ITGA2: variants seen among roughly 807,000 people sequenced by gnomAD.
The protein encoded by ITGA2 is integrin alpha-2.
A neutral mutation model predicts 146.3 loss-of-function variants in ITGA2; 101 were observed. The ratio of observed to expected loss-of-function variants is 0.69; its 90% CI spans 0.59 to 0.81. The LOEUF (loss-of-function observed/expected upper bound fraction) is 0.81, where lower values mean the gene tolerates loss of function less well. Ranked by LOEUF, ITGA2 falls within the 40% of genes least tolerant of loss-of-function variation. The pLI is 0.00. For missense variants in ITGA2, 1,281 were observed against 1,402.7 expected (o/e 0.91, Z 1.39); for synonymous variants, 477 against 487.1 (o/e 0.98, Z 0.27).
chr5:53,065,855 C>A lies in ITGA2; in HGVS notation c.1821C>A (p.Ser607=). The A allele has an allele frequency of 6.2e-7, 1 of 1,611,774 alleles. No individual in the cohort carries two copies. Residue 607 remains serine (S), a synonymous_variant, in exon 15 of 30, where the codon TCC becomes TCA. Transcript: ENST00000296585. ...RTKYSQKILG[S]DGAFRSHLQY... is the part of the protein sequence containing the mutation. ...TGCTCTTTTAGAAAATCTTGGGATC[C>A]GATGGAGCCTTTAGGAGCCATCTCC... is the stretch of plus-strand genomic sequence containing the variant.
chr5:53,004,510 G>A (rs1402326032), intron 1 of ITGA2, among the ~76,000 whole-genome samples: 1 of 152,060 alleles, frequency 6.6e-6, no homozygotes, highest in Non-Finnish European at 1.5e-5. Context: ...TTTATGGAGT[G>A]CCTATTGTAT....
Position 53,048,628 on chromosome 5 carries a change from T to A in ITGA2, c.503-15T>A. 6.2e-7 allele frequency: 1 copy of A among 1,614,138 alleles called. No homozygotes were observed. The highest frequency in any genetic ancestry group is 8.5e-7 in the Non-Finnish European group (1 of 1,179,966). On this transcript the variant is annotated splice_polypyrimidine_tract_variant and intron_variant, in intron 5 of 29. Coordinates refer to ENST00000296585, the MANE Select transcript of ITGA2 (RefSeq NM_002203.4). Reference sequence around the variant, plus strand: ...TACCTGTGGAAATCTGCTTCTTTCCTCTTTTCCTGTGTAGCCTGCCCTTCC... The same window carrying A: ...TACCTGTGGAAATCTGCTTCTTTCCACTTTTCCTGTGTAGCCTGCCCTTCC...
At chr5:53,042,778 C>T (rs990515025) in intron 3 of ITGA2, among the ~76,000 whole-genome samples, 1 of 152,076 alleles carries the variant, frequency 6.6e-6, no homozygotes, top group African/African-American at 2.4e-5. Flanking sequence ...AGTGACATTT[C>T]CATGTAATAT....
intron 10 of ITGA2, among the ~76,000 whole-genome samples, chr5:53,059,180 T>A (rs1744790543): frequency 6.6e-6 from 1 of 151,932 alleles, no homozygotes; most frequent in South Asian, 2.1e-4. Context: ...GTGTTTAGAT[T>A]GGGTTTCAAG....
chr5:53,042,825 A>C (rs1743869770), intron 3 of ITGA2, among the ~76,000 whole-genome samples: 1 of 150,656 alleles, frequency 6.6e-6, no homozygotes, highest in Admixed American at 6.7e-5. Context: ...TTTGATCATC[A>C]TTACATCATC....
At chr5:53,070,436 A>G (rs1052398037) in intron 17 of ITGA2, among the ~76,000 whole-genome samples, 176 bp downstream of exon 17, 1 of 151,968 alleles carries the variant, frequency 6.6e-6, no homozygotes, top group African/African-American at 2.4e-5. Context: ...TTATGGTCAC[A>G]ATCTATTATA....
intron 6 of ITGA2, among the ~76,000 whole-genome samples, chr5:53,050,219 C>T (rs2910977): frequency 0.066 from 9,988 of 152,208 alleles, 353 homozygotes; most frequent in Non-Finnish European, 0.075. Context: ...TGTCTTCCTA[C>T]CACAGTGCAT....
intron 13 of ITGA2, among the ~76,000 whole-genome samples, chr5:53,063,381 AC>A (rs1744989697): frequency 6.6e-6 from 1 of 151,894 alleles, no homozygotes; most frequent in Non-Finnish European, 1.5e-5. Context: ...GATGCTTCCT[AC>A]ATTAGTTTGT....
At chr5:53,063,735 GTAAT>G (rs1217076123) in intron 13 of ITGA2, among the ~76,000 whole-genome samples, 5 of 151,914 alleles carry the variant, frequency 3.3e-5, no homozygotes, top group African/African-American at 2.4e-5. Flanking sequence ...TTTAACAGAA[GTAAT>G]TAATTAAAAC....
chr5:53,031,807 G>A (rs1011267976), intron 2 of ITGA2, among the ~76,000 whole-genome samples: 5 of 152,152 alleles, frequency 3.3e-5, no homozygotes, highest in South Asian at 2.1e-4. Flanking sequence ...CGGTGTAGGC[G>A]GAGGGCCATC....
rs534732096 is a variant in ITGA2, at chr5:53,029,662, A to G, written c.185+2794A>G. On this transcript the variant is annotated intron_variant, in intron 2 of 29. Coordinates refer to ENST00000296585, the MANE Select transcript of ITGA2 (RefSeq NM_002203.4). The stretch of plus-strand genomic sequence containing the variant: ...TGATTAGTACTATCTTAAATGATCT[A>G]TACTTGTTTATATGCTCATTATCTG... Among the ~76,000 whole-genome samples the G allele has an allele frequency of 3.9e-4, 60 of 152,300 alleles. 1 individual carries two copies. The highest frequency in any genetic ancestry group is 2.1e-3 in the South Asian group (10 of 4,830).
intron 2 of ITGA2, among the ~76,000 whole-genome samples, chr5:53,028,933 C>T (rs577206392): frequency 6.6e-6 from 1 of 152,298 alleles, no homozygotes; most frequent in South Asian, 2.1e-4. Context: ...TCCCTTCCTG[C>T]CAGCTTTATT....
intron 1 of ITGA2, among the ~76,000 whole-genome samples, chr5:53,001,245 G>T (rs528945491): frequency 1.6e-4 from 25 of 152,198 alleles, no homozygotes; most frequent in Non-Finnish European, 1.6e-4. Context: ...TACCCTAGAA[G>T]TTTTGCAGTG....
intron 1 of ITGA2, among the ~76,000 whole-genome samples, chr5:53,022,127 A>G (rs147523326): frequency 0.012 from 1,755 of 152,340 alleles, 25 homozygotes; most frequent in Admixed American, 0.031. Flanking sequence ...TTTGTGGTTG[A>G]ATATAAAATG....
chr5:52,989,629 C>A, intron 1 of ITGA2, 97 bp downstream of exon 1: 1 of 1,342,340 alleles, frequency 7.4e-7, no homozygotes, highest in South Asian at 1.2e-5. Flanking sequence ...GAGCGAGCTC[C>A]GTGTGTTCCC....
intron 1 of ITGA2, among the ~76,000 whole-genome samples, chr5:53,006,304 G>A (rs963375822): frequency 3.3e-5 from 5 of 152,036 alleles, no homozygotes; most frequent in South Asian, 2.1e-4. Flanking sequence ...CCATCACCCC[G>A]TAATATAGTC....
chr5:53,083,378 G>A lies in ITGA2; in HGVS notation c.3183G>A (p.Trp1061Ter). ...RTASCSNVTC[W>*]LKDVHMKGEY... ...CTTCCTGTAGTAATGTTACCTGCTG[G>A]TTGAAAGACGTTCACATGAAAGGAG... The change falls in exon 27 of 30, where the codon TGG (tryptophan) becomes TGA (stop). Residue 1061 changes from tryptophan to a stop codon, truncating the protein, a stop_gained. Transcript: ENST00000296585. LOFTEE classifies it high-confidence loss of function. 6.2e-7 allele frequency: 1 copy of A among 1,613,610 alleles called. No individual in the cohort carries two copies. The highest frequency in any genetic ancestry group is 8.5e-7 in the Non-Finnish European group (1 of 1,179,614).
chr5:53,026,824 G>C lies in ITGA2; in HGVS notation c.141G>C (p.Gln47His), dbSNP rs1175990531. ...TATTTTCCGGTCCTTCAAGTGAACA[G>C]TTTGGCTATGCAGTGCAGCAGTTTA... Reference protein sequence around the residue: ...AKIFSGPSSEQFGYAVQQFIN... With the variant: ...AKIFSGPSSEHFGYAVQQFIN... Residue 47 changes from glutamine to histidine, a missense_variant, in exon 2 of 30, where the codon CAG becomes CAC. Coordinates refer to ENST00000296585, the MANE Select transcript of ITGA2 (RefSeq NM_002203.4). 1 of 1,613,640 alleles carries C rather than the reference G, an allele frequency of 6.2e-7. No homozygotes were observed. The highest frequency in any genetic ancestry group is 1.7e-5 in the Admixed American group (1 of 60,014).
At chr5:53,008,509 A>G (rs1452188372) in intron 1 of ITGA2, among the ~76,000 whole-genome samples, 1 of 151,908 alleles carries the variant, frequency 6.6e-6, no homozygotes, top group Admixed American at 6.6e-5. Flanking sequence ...ATTTCTGGTC[A>G]TGGAAGTGAC....
Sources: gnomAD v4.1 joint callset for allele counts (sites outside exome capture counted in the v4.1 genomes callset) on GRCh38, gnomAD v4.1.1 for gene constraint, MANE v1.5 for transcripts, NCBI Gene and HGNC (gene_info 2026-07-23, HGNC 2026-07-21) for gene names.